SORCS1: variants seen among roughly 807,000 people sequenced by gnomAD.
SORCS1 encodes the protein VPS10 domain-containing receptor SorCS1.
SORCS1 carries 60 observed loss-of-function variants against 146.1 expected under a neutral mutation model. The observed-to-expected ratio is 0.41, with a 90% confidence interval of 0.33 to 0.51. The LOEUF (loss-of-function observed/expected upper bound fraction) is 0.51, where lower values mean the gene tolerates loss of function less well. Ranked by LOEUF, SORCS1 falls within the 20% of genes least tolerant of loss-of-function variation. The pLI is 0.21. For missense variants in SORCS1, 1,352 were observed against 1,487.6 expected (o/e 0.91, Z 1.50); for synonymous variants, 637 against 584.0 (o/e 1.09, Z -1.31).
intron 20 of SORCS1, 142 bp from the exon 21 acceptor site, chr10:106,618,414 C>T: frequency 5.9e-6 from 6 of 1,020,346 alleles, no homozygotes; most frequent in Non-Finnish European, 8.4e-6. Flanking sequence ...TCCCTCTATG[C>T]CTCCCTATCA....
intron 3 of SORCS1, among the ~76,000 whole-genome samples, chr10:106,806,384 A>AAAATAAAATAAAATAAAAAT (rs1314784925): frequency 2.9e-5 from 4 of 139,720 alleles, no homozygotes; most frequent in African/African-American, 8.0e-5. Context: ...AAAATAAAAT[A>AAAATAAAATAAAATAAAAAT]AAAATAAAAT....
At chr10:106,916,518 TTATA>T (rs1034662113) in intron 2 of SORCS1, among the ~76,000 whole-genome samples, 6 of 147,808 alleles carry the variant, frequency 4.1e-5, no homozygotes, top group African/African-American at 9.8e-5. Flanking sequence ...TAATTATGTA[TTATA>T]TATAATTATG....
intron 2 of SORCS1, among the ~76,000 whole-genome samples, chr10:106,902,927 A>T: frequency 6.6e-6 from 1 of 152,106 alleles, no homozygotes; most frequent in East Asian, 1.9e-4. Flanking sequence ...AAATACAAAA[A>T]ATTATCCAGG....
intron 3 of SORCS1, among the ~76,000 whole-genome samples, chr10:106,790,392 C>A (rs1946260925): frequency 6.6e-6 from 1 of 152,166 alleles, no homozygotes; most frequent in South Asian, 2.1e-4. Flanking sequence ...GGAACTCAGT[C>A]TCAAATCCAT....
chr10:106,985,910 T>C (rs978722896), intron 1 of SORCS1, among the ~76,000 whole-genome samples: 1 of 151,970 alleles, frequency 6.6e-6, no homozygotes, highest in African/African-American at 2.4e-5. Context: ...AGAGTACCCC[T>C]TTCCCCAAGG....
chr10:106,826,062 C>T (rs1397448677), intron 3 of SORCS1, among the ~76,000 whole-genome samples: 2 of 152,170 alleles, frequency 1.3e-5, no homozygotes, highest in African/African-American at 4.8e-5. Flanking sequence ...AAATAAGATC[C>T]TGCTTTATTC....
At position 106,575,791 on chromosome 10, in the gene SORCS1, C is replaced by A. The variant is rs538099958; in HGVS notation, c.*1629G>T. The A allele has an allele frequency of 1.3e-5, 2 of 152,774 alleles. No individual in the cohort carries two copies. Among genetic ancestry groups the A allele is most frequent in the Admixed American group, 1.3e-4 (2 of 15,300 alleles). 9.5% of individuals were successfully genotyped at this position (152,774 alleles called of 1,614,324 possible). A position where few individuals can be genotyped will look rare whatever the true frequency, so the allele number is the denominator to read the frequency against. On this transcript the variant is annotated 3_prime_UTR_variant, in exon 26 of 26. Transcript: ENST00000263054. The stretch of plus-strand genomic sequence containing the variant: ...CAAGACCCCCATTTATTCTCTCAGA[C>A]TGTTTGACACTCTTAAACACAAAGT...
At chr10:106,989,688 T>TTTTTTTTTTTTTTTTTTTTTG (rs1956679712) in intron 1 of SORCS1, among the ~76,000 whole-genome samples, 1 of 130,476 alleles carries the variant, frequency 7.7e-6, no homozygotes, top group African/African-American at 3.1e-5. Context: ...TTGTTTTTTT[T>TTTTTTTTTTTTTTTTTTTTTG]TTTTTTTTTT....
At chr10:107,004,847 G>T (rs1432932222) in intron 1 of SORCS1, among the ~76,000 whole-genome samples, 1 of 152,108 alleles carries the variant, frequency 6.6e-6, no homozygotes, top group East Asian at 1.9e-4. Flanking sequence ...CCATAAATAT[G>T]CTGGTATGTG....
chr10:106,913,514 C>G (rs1952265189), intron 2 of SORCS1, among the ~76,000 whole-genome samples: 1 of 152,178 alleles, frequency 6.6e-6, no homozygotes. Context: ...TTGGGGATTC[C>G]TGAATGAGCA....
At chr10:106,902,377 T>A (rs544960418) in intron 2 of SORCS1, among the ~76,000 whole-genome samples, 119 of 152,242 alleles carry the variant, frequency 7.8e-4, no homozygotes, top group African/African-American at 2.8e-3. Context: ...ATATTATTTA[T>A]AATAGCTAAT....
intron 1 of SORCS1, among the ~76,000 whole-genome samples, chr10:107,124,161 G>A (rs1649099666): frequency 6.6e-6 from 1 of 151,984 alleles, no homozygotes; most frequent in African/African-American, 2.4e-5. Context: ...AATAATATAT[G>A]AAAACTTTTT....
intron 2 of SORCS1, among the ~76,000 whole-genome samples, chr10:106,951,613 G>C (rs1954690339): frequency 1.3e-5 from 2 of 151,536 alleles, no homozygotes; most frequent in Non-Finnish European, 2.9e-5. Context: ...ATCATTCCAA[G>C]GCATAAAGGA....
In SORCS1 at chr10:106,629,382, C is replaced by T. The variant is rs761712544; in HGVS notation, c.2482G>A (p.Val828Ile). Residue 828 changes from valine to isoleucine, a missense_variant, in exon 19 of 26, where the codon GTT (valine) becomes ATT (isoleucine). Physicochemically the swap from Val to Ile is conservative, Grantham distance 29. Transcript: ENST00000263054. ...TCCACTTGGATGAGTGTCCGCTGAA[C>T]ATCACCCTGAAAAACAACCCAACAT... ...TLMVQLEEGD[V>I]QRTLIQVDFG... 10 of 1,613,730 alleles carry T rather than the reference C, an allele frequency of 6.2e-6. No individual in the cohort carries two copies. The East Asian group carries it at 1.8e-4, about 29-fold the overall frequency.
chr10:107,125,920 A>G (rs2134587536), intron 1 of SORCS1, among the ~76,000 whole-genome samples: 1 of 152,330 alleles, frequency 6.6e-6, no homozygotes, highest in Middle Eastern at 3.4e-3. Flanking sequence ...AATGCTACCA[A>G]TGCTTGTAAA....
At chr10:106,686,443 C>T (rs1852846700) in intron 10 of SORCS1, among the ~76,000 whole-genome samples, 1 of 152,126 alleles carries the variant, frequency 6.6e-6, no homozygotes, top group African/African-American at 2.4e-5. Flanking sequence ...ATTTAATCTC[C>T]AAAGTGCAGA....
At chr10:106,832,360 T>G (rs1274100832) in intron 2 of SORCS1, among the ~76,000 whole-genome samples, 1 of 152,020 alleles carries the variant, frequency 6.6e-6, no homozygotes, top group Non-Finnish European at 1.5e-5. Context: ...AGCTAATTTT[T>G]GTATTTTTAG....
intron 17 of SORCS1, among the ~76,000 whole-genome samples, chr10:106,655,863 T>C (rs966640226): frequency 6.6e-6 from 1 of 152,212 alleles, no homozygotes; most frequent in Non-Finnish European, 1.5e-5. Context: ...CAGCTGTCCC[T>C]GGGTCTGAGT....
At chr10:106,603,065 G>A (rs962521498) in intron 23 of SORCS1, among the ~76,000 whole-genome samples, 1 of 152,046 alleles carries the variant, frequency 6.6e-6, no homozygotes, top group Non-Finnish European at 1.5e-5. Context: ...ATGTTCTAAT[G>A]TCCTTTAAGG....
Sources: allele counts gnomAD v4.1 joint callset (sites outside exome capture counted in the v4.1 genomes callset), GRCh38; gene constraint gnomAD v4.1.1; transcripts MANE v1.5; gene names NCBI Gene and HGNC (gene_info 2026-07-23, HGNC 2026-07-21).